The following VLDLR variants were observed in gnomAD, a reference collection of about 807,000 sequenced individuals.
VLDLR encodes the protein very low-density lipoprotein receptor.
In VLDLR, 81 loss-of-function variants were observed where a neutral mutation model predicts 112.7. That is an observed-to-expected ratio of 0.72 (90% CI 0.60 to 0.86). The LOEUF is 0.86. Ranked by LOEUF, VLDLR falls within the 40% of genes least tolerant of loss-of-function variation. The pLI, the probability that VLDLR is intolerant of heterozygous loss-of-function variation, is 0.00. For missense variants in VLDLR, 1,237 were observed against 1,099.4 expected, an observed-to-expected ratio of 1.13 and a Z score of -1.77; for synonymous variants, 436 against 384.8, an observed-to-expected ratio of 1.13 and a Z score of -1.56.
In VLDLR at chr9:2,648,785, C is replaced by T; in HGVS notation, c.2079C>T (p.Val693=). 1 of 1,614,142 alleles carries T rather than the reference C, an allele frequency of 6.2e-7. No homozygotes were observed. Among genetic ancestry groups the T allele is most frequent in the Non-Finnish European group, 8.5e-7 (1 of 1,180,024 alleles). Residue 693 remains valine, a synonymous_variant, in exon 14 of 19, where the codon GTC becomes GTT. Coordinates refer to ENST00000382100, the MANE Select transcript of VLDLR (RefSeq NM_003383.5). The part of the protein sequence containing the change: ...NNLNDAQDII[V]YHELVQPSGK... ...TGAATGATGCCCAAGACATCATTGT[C>T]TATCATGAACTTGTACAGCCATCAG... is the stretch of plus-strand genomic sequence containing the variant.
At position 2,654,484 on chromosome 9, in the gene VLDLR, T is replaced by A. The variant is rs1453766996; in HGVS notation, c.*616T>A. 6.3e-6 allele frequency: 1 copy of A among 159,322 alleles called. No homozygotes were observed. The highest frequency in any genetic ancestry group is 1.4e-5 in the Non-Finnish European group (1 of 71,948). The allele number at this position is 159,322 out of a possible 1,614,324, so 9.9% of individuals were successfully genotyped here. On this transcript the variant is annotated 3_prime_UTR_variant, in exon 19 of 19. Transcript: ENST00000382100. The stretch of plus-strand genomic sequence containing the variant: ...AAAATTAAACCAAGCAGCTTAACCA[T>A]GGTTTGTGCCTGTTCCTCTAGGATG...
At chr9:2,632,875 T>C (rs1353811536) in intron 1 of VLDLR, among the ~76,000 whole-genome samples, 1 of 152,190 alleles carries the variant, frequency 6.6e-6, no homozygotes, top group Non-Finnish European at 1.5e-5. Context: ...CGAAGAGGCA[T>C]AGCCATAAAG....
intron 1 of VLDLR, among the ~76,000 whole-genome samples, chr9:2,622,988 G>C (rs1869591): frequency 0.26 from 40,239 of 152,222 alleles, 5,541 homozygotes; most frequent in Non-Finnish European, 0.29. Flanking sequence ...AACCGCTCGG[G>C]TCTCCCGTGT....
At chr9:2,624,319 GTTCAAA>G (rs1816983296) in intron 1 of VLDLR, among the ~76,000 whole-genome samples, 5 of 152,220 alleles carry the variant, frequency 3.3e-5, no homozygotes, top group African/African-American at 1.2e-4. Context: ...TCTGTCTTAA[GTTCAAA>G]GTCTCAGGGC....
chr9:2,648,098 C>A (rs1818153244), intron 12 of VLDLR, 110 bp from the exon 13 acceptor site: 12 of 1,485,246 alleles, frequency 8.1e-6, no homozygotes, highest in Non-Finnish European at 1.1e-5. Flanking sequence ...CGTTAAGAAA[C>A]CCTGCTGGGG....
chr9:2,652,080 C>T (rs191371107), intron 17 of VLDLR, 126 bp downstream of exon 17: 379 of 853,090 alleles, frequency 4.4e-4, no homozygotes, highest in Admixed American at 3.2e-3. Context: ...CACTGAATTA[C>T]GTTCGCTTTC....
chr9:2,648,831 C>T (rs1317486810), intron 14 of VLDLR, 21 bp downstream of exon 14: 8 of 1,613,920 alleles, frequency 5.0e-6, no homozygotes, highest in Non-Finnish European at 6.8e-6. Flanking sequence ...GAAGCACAGT[C>T]CTTAATAACT....
chr9:2,622,462 G>C (rs1204008296), intron 1 of VLDLR, 191 bp downstream of exon 1: 1 of 492,850 alleles, frequency 2.0e-6, no homozygotes, highest in African/African-American at 2.0e-5. Context: ...GCCGGGCTTG[G>C]GGAACAGCGG....
intron 2 of VLDLR, among the ~76,000 whole-genome samples, chr9:2,639,294 G>A (rs35917679): frequency 1.3e-5 from 2 of 152,156 alleles, no homozygotes; most frequent in African/African-American, 2.4e-5. Context: ...GAGAGTAAGC[G>A]CTCTGGTTTC....
chr9:2,646,638 C>G (rs1419891744), intron 11 of VLDLR, 86 bp downstream of exon 11: 3 of 1,292,640 alleles, frequency 2.3e-6, no homozygotes, highest in Admixed American at 1.9e-5. Context: ...GTACTCAAAT[C>G]TCAAGGTTTA....
intron 3 of VLDLR, 122 bp downstream of exon 3, chr9:2,640,103 A>T (rs192321560): frequency 4.6e-6 from 7 of 1,512,692 alleles, no homozygotes; most frequent in African/African-American, 1.4e-5. Flanking sequence ...GTTTAGGTCA[A>T]TTGACTCCAA....
intron 9 of VLDLR, 98 bp downstream of exon 9, chr9:2,645,180 T>C: frequency 6.3e-7 from 1 of 1,577,254 alleles, no homozygotes; most frequent in Non-Finnish European, 8.7e-7. Context: ...AAACATGAAA[T>C]TGTACTTGAG....
chr9:2,633,032 G>GAA (rs1817428230), intron 1 of VLDLR, among the ~76,000 whole-genome samples: 3 of 113,636 alleles, frequency 2.6e-5, no homozygotes, highest in Non-Finnish European at 5.5e-5. Flanking sequence ...CTCCTTATTG[G>GAA]AGAGAGAGAG....
chr9:2,647,596 T>C lies in VLDLR; in HGVS notation c.1822+4T>C. 1.2e-6 allele frequency: 2 copies of C among 1,609,758 alleles called. No homozygotes were observed. The highest frequency in any genetic ancestry group is 1.3e-5 in the African/African-American group (1 of 74,974). On this transcript the variant is annotated splice_donor_region_variant and intron_variant, in intron 12 of 18. Transcript: ENST00000382100. Reference sequence around the variant, plus strand: ...TGGCCTAACGGAATTACACTTGGTATGTATGTTCTTCCTTCTCGACCACCC... The same window carrying C: ...TGGCCTAACGGAATTACACTTGGTACGTATGTTCTTCCTTCTCGACCACCC...
intron 12 of VLDLR, 35 bp downstream of exon 12, chr9:2,647,627 A>T: frequency 6.5e-7 from 1 of 1,538,170 alleles, no homozygotes; most frequent in South Asian, 1.1e-5. Flanking sequence ...CACCCACTCA[A>T]CTATCTTCAT....
At position 2,656,048 on chromosome 9, in the gene VLDLR, T is replaced by C. The variant is rs2130817965; in HGVS notation, c.*2180T>C. The C allele has an allele frequency of 6.6e-6, 1 of 152,078 alleles. No homozygotes were observed. Among genetic ancestry groups the C allele is most frequent in the African/African-American group, 2.4e-5 (1 of 41,352 alleles). 9.4% of individuals were successfully genotyped at this position (152,078 alleles called of 1,614,324 possible). On this transcript the variant is annotated 3_prime_UTR_variant, in exon 19 of 19. Transcript: ENST00000382100. ...CATTATAAGGATTATACAGTATTAA[T>C]TAATTATAAGGCCCAAAGTTTGTTT...
chr9:2,646,449 T>G lies in VLDLR; in HGVS notation c.1600T>G (p.Ser534Ala). The G allele has an allele frequency of 6.2e-7, 1 of 1,614,136 alleles. No individual in the cohort carries two copies. Among genetic ancestry groups the G allele is most frequent in the Non-Finnish European group, 8.5e-7 (1 of 1,180,012 alleles). Residue 534 changes from serine (S) to alanine (A), a missense_variant, in exon 11 of 19, where the codon TCT becomes GCT. Coordinates refer to ENST00000382100, the MANE Select transcript of VLDLR (RefSeq NM_003383.5). Reference sequence around the variant, plus strand: ...GACCATCTACTGGACTGATGCGGCTTCTAAGACTATTTCAGTAGCTACCCT... The same window carrying G: ...GACCATCTACTGGACTGATGCGGCTGCTAAGACTATTTCAGTAGCTACCCT... Reference protein sequence around the residue: ...YKTIYWTDAASKTISVATLDG... With the variant: ...YKTIYWTDAAAKTISVATLDG...
intron 15 of VLDLR, 131 bp from the exon 16 acceptor site, chr9:2,651,284 C>A: frequency 1.4e-6 from 1 of 723,968 alleles, no homozygotes; most frequent in Non-Finnish European, 2.4e-6. Flanking sequence ...ATCAGCTGTA[C>A]AACTTAGTTC....
intron 2 of VLDLR, among the ~76,000 whole-genome samples, chr9:2,638,599 G>A (rs796366585): frequency 1.5e-4 from 23 of 152,290 alleles, no homozygotes; most frequent in African/African-American, 4.3e-4. Flanking sequence ...ATCCTGCTCC[G>A]TGATTCCTTC....
Sources: gnomAD v4.1 joint callset for allele counts (sites outside exome capture counted in the v4.1 genomes callset) on GRCh38, gnomAD v4.1.1 for gene constraint, MANE v1.5 for transcripts, NCBI Gene and HGNC (gene_info 2026-07-23, HGNC 2026-07-21) for gene names.